Variants in NT5E observed in about 807,000 individuals in gnomAD.
NT5E encodes the protein 5'-nucleotidase.
A neutral mutation model predicts 55.1 loss-of-function variants in NT5E; 53 were observed. The observed-to-expected ratio is 0.96, with a 90% CI of 0.77 to 1.21. The LOEUF (loss-of-function observed/expected upper bound fraction) is 1.21, where lower values mean the gene tolerates loss of function less well. Ranked by LOEUF, NT5E falls within the 50% of genes most tolerant of loss-of-function variation. The pLI, the probability that NT5E is intolerant of heterozygous loss-of-function variation, is 0.00. For missense variants in NT5E, 683 were observed against 724.3 expected, an observed-to-expected ratio of 0.94 and a Z score of 0.65; for synonymous variants, 270 against 278.4, an observed-to-expected ratio of 0.97 and a Z score of 0.30.
Position 85,485,427 on chromosome 6 carries a change from C to T in NT5E, c.944C>T (p.Pro315Leu). The change falls in exon 4 of 9, where the codon CCT (proline) becomes CTT (leucine). Residue 315 changes from proline (P) to leucine (L), a missense_variant. By Grantham distance (98) the Pro-to-Leu change is moderately conservative. Transcript: ENST00000257770. ...CCCATTCTTCTAAACAGCAGCATTC[C>T]TGAAGGTAAGTGAAGTTCAGGGGAA... ...GNPILLNSSI[P>L]EDPSIKADIN... The T allele has an allele frequency of 6.2e-7, 1 of 1,614,138 alleles. No individual in the cohort carries two copies. Among genetic ancestry groups the T allele is most frequent in the Non-Finnish European group, 8.5e-7 (1 of 1,179,960 alleles).
At chr6:85,462,733 G>C (rs1295457601) in intron 1 of NT5E, among the ~76,000 whole-genome samples, 1 of 152,206 alleles carries the variant, frequency 6.6e-6, no homozygotes, top group African/African-American at 2.4e-5. Flanking sequence ...ATGATTTGGT[G>C]CGTGAACCAT....
intron 1 of NT5E, among the ~76,000 whole-genome samples, chr6:85,461,504 C>T (rs896195214): frequency 1.2e-4 from 18 of 152,316 alleles, no homozygotes; most frequent in African/African-American, 4.3e-4. Context: ...TAGGTTGCAC[C>T]TGAGACAGAG....
In NT5E at chr6:85,471,284, G is replaced by T; in HGVS notation, c.610G>T (p.Val204Leu). 1.2e-6 allele frequency: 2 copies of T among 1,612,038 alleles called. No individual in the cohort carries two copies. The highest frequency in any genetic ancestry group is 1.7e-5 in the Admixed American group (1 of 59,986). ...TGAAATCACTGCATTACAACCTGAAGTAGATAAGTTAAAAACTCTAAATGT... is the reference window on the plus strand; with the variant it reads ...TGAAATCACTGCATTACAACCTGAATTAGATAAGTTAAAAACTCTAAATGT... ...EDEITALQPE[V>L]DKLKTLNVNK... Residue 204 changes from valine (V) to leucine (L), a missense_variant, in exon 3 of 9, where the codon GTA becomes TTA. Physicochemically the swap from Val to Leu is conservative, Grantham distance 32. Transcript: ENST00000257770.
chr6:85,457,389 T>C (rs1769009748), intron 1 of NT5E, among the ~76,000 whole-genome samples: 1 of 152,208 alleles, frequency 6.6e-6, no homozygotes, highest in African/African-American at 2.4e-5. Flanking sequence ...GAGGGTGGTC[T>C]ACTGCATGTT....
chr6:85,466,020 C>G (rs1433495888), intron 1 of NT5E, among the ~76,000 whole-genome samples: 1 of 152,134 alleles, frequency 6.6e-6, no homozygotes, highest in Non-Finnish European at 1.5e-5. Flanking sequence ...GTTAGCAAAC[C>G]AGCCTTGGCA....
At position 85,450,440 on chromosome 6, in the gene NT5E, G is replaced by A; in HGVS notation, c.301G>A (p.Val101Met). 6.2e-7 allele frequency: 1 copy of A among 1,601,966 alleles called. No individual in the cohort carries two copies. Reference protein sequence around the residue: ...IWFTVYKGAEVAHFMNALRYD... With the variant: ...IWFTVYKGAEMAHFMNALRYD... ...GTTCACCGTGTACAAGGGCGCCGAG[G>A]TGGCGCACTTCATGAACGCCCTGCG... Residue 101 changes from valine (V) to methionine (M), a missense_variant, in exon 1 of 9, where the codon GTG becomes ATG. Physicochemically the swap from Val to Met is conservative, Grantham distance 21 (BLOSUM62 1). Coordinates refer to ENST00000257770, the MANE Select transcript of NT5E (RefSeq NM_002526.4). The surrounding 1 kb of genome is among the most constrained non-coding windows in gnomAD (Gnocchi z 4.0).
chr6:85,485,574 C>T (rs542426896), intron 4 of NT5E, 142 bp downstream of exon 4: 12 of 859,940 alleles, frequency 1.4e-5, no homozygotes, highest in African/African-American at 1.0e-4. Flanking sequence ...TGAGTTTGCC[C>T]TCTTCATGGA....
At chr6:85,484,847 C>T (rs1423372819) in intron 3 of NT5E, among the ~76,000 whole-genome samples, 1 of 152,122 alleles carries the variant, frequency 6.6e-6, no homozygotes, top group African/African-American at 2.4e-5. Flanking sequence ...TGGATTTCGC[C>T]CACCTTATAG....
Position 85,467,184 on chromosome 6 carries a change from C to T in NT5E, c.464C>T (p.Ser155Leu). 6.2e-7 allele frequency: 1 copy of T among 1,614,102 alleles called. No individual in the cohort carries two copies. The highest frequency in any genetic ancestry group is 1.7e-5 in the Admixed American group (1 of 60,022). The change falls in exon 2 of 9, where the codon TCA (serine) becomes TTA (leucine). Residue 155 changes from serine to leucine, a missense_variant. Coordinates refer to ENST00000257770, the MANE Select transcript of NT5E (RefSeq NM_002526.4). ...KAKGPLASQI[S>L]GLYLPYKVLP... is the part of the protein sequence containing the mutation. ...AAGGGGCCACTAGCATCTCAAATAT[C>T]AGGACTTTATTTGCCATATAAAGTT...
chr6:85,486,505 C>A (rs981469851), intron 4 of NT5E, among the ~76,000 whole-genome samples: 1 of 152,090 alleles, frequency 6.6e-6, no homozygotes, highest in South Asian at 2.1e-4. Context: ...CCCATGCGTC[C>A]GTTTATAGGC....
At chr6:85,463,881 A>G (rs1769139729) in intron 1 of NT5E, among the ~76,000 whole-genome samples, 1 of 152,168 alleles carries the variant, frequency 6.6e-6, no homozygotes, top group Non-Finnish European at 1.5e-5. Context: ...GAAAATAAGT[A>G]TTTACAAAGG....
chr6:85,457,927 G>A (rs546730082), intron 1 of NT5E, among the ~76,000 whole-genome samples: 1 of 152,304 alleles, frequency 6.6e-6, no homozygotes, highest in African/African-American at 2.4e-5. Context: ...CAAAGCAAAA[G>A]TGACTGAAAT....
intron 2 of NT5E, among the ~76,000 whole-genome samples, chr6:85,467,489 C>A (rs946804634): frequency 6.6e-6 from 1 of 152,188 alleles, no homozygotes; most frequent in Admixed American, 6.5e-5. Context: ...CAGTGAACTT[C>A]TTTGTTGACA....
chr6:85,450,178 C>A lies in NT5E; in HGVS notation c.39C>A (p.Leu13=). The A allele has an allele frequency of 6.2e-7, 1 of 1,605,218 alleles. No individual in the cohort carries two copies. Among genetic ancestry groups the A allele is most frequent in the Non-Finnish European group, 8.5e-7 (1 of 1,177,258 alleles). The change falls in exon 1 of 9, where the codon CTC becomes CTA. Residue 13 remains leucine, a synonymous_variant. Coordinates refer to ENST00000257770, the MANE Select transcript of NT5E (RefSeq NM_002526.4). This position sits in a 1 kb window ranked among gnomAD's most constrained non-coding sequence, Gnocchi z 4.0. ...CCGCGCGGGCGCCCGCGACGCTACT[C>A]CTCGCCCTGGGCGCGGTGCTGTGGC... The part of the protein sequence containing the change: ...PRAARAPATL[L]LALGAVLWPA...
At chr6:85,466,618 C>G (rs892098688) in intron 1 of NT5E, among the ~76,000 whole-genome samples, 2 of 152,212 alleles carry the variant, frequency 1.3e-5, no homozygotes, top group African/African-American at 4.8e-5. Context: ...GGCCTTTGGT[C>G]TCTGCCAACC....
chr6:85,481,247 A>T (rs1428343387), intron 3 of NT5E, among the ~76,000 whole-genome samples: 3 of 152,230 alleles, frequency 2.0e-5, no homozygotes, highest in African/African-American at 4.8e-5. Context: ...CAGATTTTTT[A>T]AAAATACATA....
intron 1 of NT5E, among the ~76,000 whole-genome samples, chr6:85,457,791 G>A (rs1210087248): frequency 6.6e-6 from 1 of 152,186 alleles, no homozygotes; most frequent in Non-Finnish European, 1.5e-5. Flanking sequence ...GCTGAGGATA[G>A]CGATCAGGAC....
At chr6:85,475,134 C>G (rs867794409) in intron 3 of NT5E, among the ~76,000 whole-genome samples, 23 of 152,152 alleles carry the variant, frequency 1.5e-4, no homozygotes, top group African/African-American at 5.1e-4. Context: ...TAATACATCC[C>G]TTGGAATTTT....
At position 85,495,569 on chromosome 6, in the gene NT5E, A is replaced by C. The variant is rs913656780; in HGVS notation, c.*1565A>C. The C allele has an allele frequency of 6.6e-6, 1 of 152,258 alleles. No individual in the cohort carries two copies. The highest frequency in any genetic ancestry group is 1.5e-5 in the Non-Finnish European group (1 of 68,040). The allele number at this position is 152,258 out of a possible 1,614,324, so 9.4% of individuals were successfully genotyped here. ...TGCATATATGGATTAGCTATAAAAA[A>C]TGTCAATAAGATTGTACAAGGAAAA... On this transcript the variant is annotated 3_prime_UTR_variant, in exon 9 of 9. Transcript: ENST00000257770.
Sources: gnomAD v4.1 joint callset for allele counts (sites outside exome capture counted in the v4.1 genomes callset) on GRCh38, gnomAD v4.1.1 for gene constraint, Gnocchi (gnomAD v3.1) non-coding constraint, MANE v1.5 for transcripts, NCBI Gene and HGNC (gene_info 2026-07-23, HGNC 2026-07-21) for gene names.